The following ZNF385D variants were observed in gnomAD, a reference collection of about 807,000 sequenced individuals.
ZNF385D encodes the protein zinc finger protein 659.
ZNF385D carries 15 observed loss-of-function variants against 35.8 expected under a neutral mutation model. That is an observed-to-expected ratio of 0.42 (90% CI 0.28 to 0.64). The LOEUF is 0.64. Ranked by LOEUF, ZNF385D falls within the 30% of genes least tolerant of loss-of-function variation. The pLI is 0.23. For synonymous variants in ZNF385D, 212 were observed against 186.8 expected (o/e 1.13, Z -1.10); for missense variants, 474 against 494.6 (o/e 0.96, Z 0.39).
At chr3:21,768,422 A>G (rs2335434) in intron 3 of ZNF385D, among the ~76,000 whole-genome samples, 84,958 of 151,682 alleles carry the variant, frequency 0.56, 24,382 homozygotes, top group East Asian at 0.78. Flanking sequence ...GACAACAATC[A>G]CACTAGCAGA....
At chr3:21,856,525 A>T (rs1696722572) in intron 3 of ZNF385D, among the ~76,000 whole-genome samples, 1 of 152,046 alleles carries the variant, frequency 6.6e-6, no homozygotes, top group Non-Finnish European at 1.5e-5. Flanking sequence ...TAATCCTTTC[A>T]GCTACTCAGG....
intron 2 of ZNF385D, among the ~76,000 whole-genome samples, chr3:22,233,601 C>G (rs1184255888): frequency 6.6e-6 from 1 of 152,104 alleles, no homozygotes; most frequent in East Asian, 1.9e-4. Context: ...AGTGCCCACT[C>G]TTCTTATCCA....
At chr3:22,025,462 CTG>C (rs1488502163) in intron 3 of ZNF385D, among the ~76,000 whole-genome samples, 1 of 152,044 alleles carries the variant, frequency 6.6e-6, no homozygotes, top group African/African-American at 2.4e-5. Context: ...AAACAGCAAT[CTG>C]GAGAACAGGC....
chr3:22,005,453 A>C (rs1317163920), intron 3 of ZNF385D, among the ~76,000 whole-genome samples: 3 of 152,076 alleles, frequency 2.0e-5, no homozygotes, highest in Non-Finnish European at 2.9e-5. Context: ...TATTTTTAAC[A>C]ACAATATATT....
chr3:21,607,020 C>G (rs1290557601), intron 2 of ZNF385D, among the ~76,000 whole-genome samples: 1 of 152,152 alleles, frequency 6.6e-6, no homozygotes, highest in African/African-American at 2.4e-5. Context: ...AATGCAGTCT[C>G]CTAATAACAA....
At chr3:22,232,753 G>A (rs1698969612) in intron 2 of ZNF385D, among the ~76,000 whole-genome samples, 1 of 152,134 alleles carries the variant, frequency 6.6e-6, no homozygotes, top group African/African-American at 2.4e-5. Flanking sequence ...ATTCCATGGT[G>A]TGTGCCACAT....
At chr3:21,667,224 C>T (rs1209955346) in intron 1 of ZNF385D, among the ~76,000 whole-genome samples, 1 of 152,146 alleles carries the variant, frequency 6.6e-6, no homozygotes, top group Non-Finnish European at 1.5e-5. Flanking sequence ...TGCTGTGGTG[C>T]CATTATGGCT....
At chr3:22,063,026 G>C (rs1699766847) in intron 3 of ZNF385D, among the ~76,000 whole-genome samples, 1 of 151,926 alleles carries the variant, frequency 6.6e-6, no homozygotes, top group Non-Finnish European at 1.5e-5. Flanking sequence ...AAATTACACG[G>C]GATAATTTTT....
rs1431237456 is a variant in ZNF385D, at chr3:21,706,588, C to A, written c.23-41560G>T. ...AAACATGTTCTCAAACTCATGTCTA[C>A]TTTATAATGCTACCATCAGAAGTGA... is the stretch of plus-strand genomic sequence containing the variant. On this transcript the variant is annotated intron_variant, in intron 1 of 7. Coordinates refer to ENST00000281523, the MANE Select transcript of ZNF385D (RefSeq NM_024697.3). Among the ~76,000 whole-genome samples the A allele has an allele frequency of 3.9e-5, 6 of 152,276 alleles. No homozygotes were observed. In the South Asian group the frequency reaches 1.2e-3, roughly 32 times the overall value.
At chr3:21,993,581 G>A (rs9824441) in intron 3 of ZNF385D, among the ~76,000 whole-genome samples, 27,933 of 152,056 alleles carry the variant, frequency 0.18, 4,176 homozygotes, top group African/African-American at 0.41. Context: ...CATTAATAAT[G>A]TAGTTGATTA....
intron 3 of ZNF385D, among the ~76,000 whole-genome samples, chr3:21,862,242 C>T (rs1337666619): frequency 1.3e-5 from 2 of 151,148 alleles, no homozygotes; most frequent in Admixed American, 6.6e-5. Flanking sequence ...AACAGCCCTA[C>T]TACAGAAGCA....
intron 3 of ZNF385D, among the ~76,000 whole-genome samples, chr3:21,878,628 T>C (rs923476632): frequency 1.3e-5 from 2 of 152,068 alleles, no homozygotes; most frequent in Admixed American, 1.3e-4. Context: ...GTTTCCATTG[T>C]TATAAACAGC....
intron 3 of ZNF385D, among the ~76,000 whole-genome samples, chr3:21,967,815 T>C (rs987599519): frequency 2.0e-5 from 3 of 152,198 alleles, no homozygotes; most frequent in Non-Finnish European, 4.4e-5. Context: ...TGGAGTAAGA[T>C]GGCTGAACAG....
intron 3 of ZNF385D, among the ~76,000 whole-genome samples, chr3:22,040,342 G>C (rs376270381): frequency 3.2e-4 from 49 of 152,174 alleles, no homozygotes; most frequent in African/African-American, 1.1e-3. Flanking sequence ...AGGAAGGTTT[G>C]GTTATTACGT....
intron 3 of ZNF385D, among the ~76,000 whole-genome samples, chr3:21,792,162 G>T (rs1237595979): frequency 1.3e-5 from 2 of 152,134 alleles, no homozygotes; most frequent in African/African-American, 4.8e-5. Flanking sequence ...TTTTTCTGGG[G>T]CATAATTTCC....
chr3:22,079,623 T>A (rs892899880), intron 3 of ZNF385D, among the ~76,000 whole-genome samples: 1 of 152,004 alleles, frequency 6.6e-6, no homozygotes, highest in African/African-American at 2.4e-5. Flanking sequence ...CTACTCTATA[T>A]AACAGGGAGA....
chr3:22,064,881 A>T (rs1445113284), intron 3 of ZNF385D, among the ~76,000 whole-genome samples: 1 of 152,224 alleles, frequency 6.6e-6, no homozygotes, highest in Non-Finnish European at 1.5e-5. Flanking sequence ...CATGGTGATT[A>T]CAGTAAGTAA....
chr3:21,952,480 A>T (rs905753655), intron 3 of ZNF385D, among the ~76,000 whole-genome samples: 6 of 152,082 alleles, frequency 3.9e-5, no homozygotes. Context: ...ATGTGAAAAA[A>T]AATGGACTAT....
intron 2 of ZNF385D, among the ~76,000 whole-genome samples, chr3:22,313,038 G>A (rs1174292099): frequency 6.6e-6 from 1 of 151,868 alleles, no homozygotes; most frequent in Non-Finnish European, 1.5e-5. Flanking sequence ...AGAAAATGTG[G>A]CACATATATA....
Sources: allele counts gnomAD v4.1 joint callset (sites outside exome capture counted in the v4.1 genomes callset), GRCh38; gene constraint gnomAD v4.1.1; transcripts MANE v1.5; gene names NCBI Gene and HGNC (gene_info 2026-07-23, HGNC 2026-07-21).